SUCLG2: variants seen among roughly 807,000 people sequenced by gnomAD.
The protein encoded by SUCLG2 is succinate--CoA ligase [GDP-forming] subunit beta, mitochondrial.
In SUCLG2, 42 loss-of-function variants were observed where a neutral mutation model predicts 47.9. The ratio of observed to expected loss-of-function variants is 0.88; its 90% confidence interval spans 0.69 to 1.14. The LOEUF (loss-of-function observed/expected upper bound fraction) is 1.14. Among genes scored for constraint, SUCLG2 ranks in the 50% most tolerant of loss-of-function variants. The pLI, the probability that SUCLG2 is intolerant of heterozygous loss-of-function variation, is 0.00. For missense variants in SUCLG2, 571 were observed against 525.9 expected (o/e 1.09, Z -0.84); for synonymous variants, 195 against 197.3 (o/e 0.99, Z 0.10).
At chr3:67,628,483 G>A (rs1172041223) in intron 1 of SUCLG2, among the ~76,000 whole-genome samples, 3 of 152,160 alleles carry the variant, frequency 2.0e-5, no homozygotes, top group African/African-American at 7.2e-5. Flanking sequence ...CGAAGAGAAG[G>A]GTGTCTAGCT....
intron 6 of SUCLG2, among the ~76,000 whole-genome samples, chr3:67,511,853 G>GT (rs1705801103): frequency 2.8e-5 from 4 of 144,890 alleles, no homozygotes; most frequent in South Asian, 2.1e-4. Context: ...GTGTGTGGGG[G>GT]GGTGTGTGTG....
intron 9 of SUCLG2, among the ~76,000 whole-genome samples, chr3:67,432,802 T>G (rs577251699): frequency 7.2e-5 from 11 of 152,242 alleles, no homozygotes; most frequent in Non-Finnish European, 1.5e-4. Context: ...ATTGTATGAC[T>G]CGCTCTCAAG....
intron 9 of SUCLG2, among the ~76,000 whole-genome samples, chr3:67,403,988 T>C (rs1402811195): frequency 6.6e-6 from 1 of 152,146 alleles, no homozygotes; most frequent in Admixed American, 6.5e-5. Flanking sequence ...TGGGTTCAAG[T>C]GGTTCTCATA....
chr3:67,393,574 G>T (rs1359608238), intron 10 of SUCLG2, among the ~76,000 whole-genome samples: 1 of 152,246 alleles, frequency 6.6e-6, no homozygotes, highest in Non-Finnish European at 1.5e-5. Context: ...TGCCTCTGTA[G>T]GCTCCACCTT....
At chr3:67,473,980 AG>A (rs2106993947) in intron 9 of SUCLG2, among the ~76,000 whole-genome samples, 2 of 152,272 alleles carry the variant, frequency 1.3e-5, no homozygotes, top group Non-Finnish European at 2.9e-5. Context: ...CTAACAGGTC[AG>A]GCATGGTGGC....
intron 10 of SUCLG2, among the ~76,000 whole-genome samples, chr3:67,377,294 G>T (rs999318075): frequency 5.3e-5 from 8 of 152,240 alleles, no homozygotes; most frequent in Admixed American, 4.6e-4. Context: ...CTTGAAAAAT[G>T]AGGACAGTAT....
intron 7 of SUCLG2, among the ~76,000 whole-genome samples, chr3:67,507,195 T>C (rs1242282810): frequency 6.6e-6 from 1 of 152,116 alleles, no homozygotes; most frequent in Non-Finnish European, 1.5e-5. Context: ...TTGATAGCCA[T>C]AGCAACTTTA....
chr3:67,520,548 C>T lies in SUCLG2; in HGVS notation c.504G>A (p.Val168=). 1 of 1,614,200 alleles carries T rather than the reference C, an allele frequency of 6.2e-7. No individual in the cohort carries two copies. The highest frequency in any genetic ancestry group is 2.2e-5 in the East Asian group (1 of 44,878). The change falls in exon 5 of 11, where the codon GTG becomes GTA. Residue 168 remains valine, a synonymous_variant. Coordinates refer to ENST00000307227, the MANE Select transcript of SUCLG2 (RefSeq NM_003848.4). ...MDRSCNGPVL[V]GSPQGGVDIE... The stretch of plus-strand genomic sequence containing the variant: ...TGTCGACGCCCCCCTGGGGGCTGCC[C>T]ACCAGCACGGGGCCATTGCAGGACC...
chr3:67,397,121 G>T (rs1179873429), intron 10 of SUCLG2, among the ~76,000 whole-genome samples: 1 of 151,608 alleles, frequency 6.6e-6, no homozygotes, highest in Non-Finnish European at 1.5e-5. Flanking sequence ...ACAAGACAGG[G>T]ATGCCCTCTC....
At chr3:67,456,721 T>C (rs61168063) in intron 9 of SUCLG2, among the ~76,000 whole-genome samples, 4,081 of 152,286 alleles carry the variant, frequency 0.027, 69 homozygotes, top group African/African-American at 0.05. Context: ...GTTTAAAACA[T>C]ATTAGCAAAA....
chr3:67,535,939 A>G (rs545013712), intron 2 of SUCLG2, among the ~76,000 whole-genome samples: 1 of 152,350 alleles, frequency 6.6e-6, no homozygotes, highest in African/African-American at 2.4e-5. Flanking sequence ...ACAAGTCATC[A>G]CACCTGATAG....
intron 1 of SUCLG2, among the ~76,000 whole-genome samples, chr3:67,635,156 A>G (rs1187804353): frequency 6.6e-6 from 1 of 152,234 alleles, no homozygotes; most frequent in African/African-American, 2.4e-5. Context: ...GACCTAGGAC[A>G]TTCAAATACA....
At chr3:67,501,010 C>T (rs555874842) in intron 7 of SUCLG2, among the ~76,000 whole-genome samples, 9 of 152,132 alleles carry the variant, frequency 5.9e-5, no homozygotes, top group African/African-American at 1.7e-4. Context: ...TGTGGTATGA[C>T]GTTCTCTCCA....
At chr3:67,466,231 T>C (rs1704467091) in intron 9 of SUCLG2, among the ~76,000 whole-genome samples, 1 of 152,148 alleles carries the variant, frequency 6.6e-6, no homozygotes, top group East Asian at 1.9e-4. Context: ...CATATGCCTG[T>C]AATCCCTGCT....
chr3:67,529,148 C>T lies in SUCLG2; in HGVS notation c.265G>A (p.Gly89Arg). The change falls in exon 3 of 11, where the codon GGA becomes AGA. Residue 89 changes from glycine (G) to arginine (R), a missense_variant. Transcript: ENST00000307227. ...TTGAAGACACCTTTTCCTCTTCCTC[C>T]AGCTAAGATCTGGGCTTTTAAAACA... ...EIVLKAQILA[G>R]GRGKGVFNSG... 6.2e-7 allele frequency: 1 copy of T among 1,613,466 alleles called. No individual in the cohort carries two copies. The highest frequency in any genetic ancestry group is 1.7e-5 in the Admixed American group (1 of 59,950).
At chr3:67,611,369 A>G (rs1283665728) in intron 1 of SUCLG2, among the ~76,000 whole-genome samples, 1 of 152,222 alleles carries the variant, frequency 6.6e-6, no homozygotes, top group Non-Finnish European at 1.5e-5. Context: ...TTAACTACAC[A>G]TTATTTCTTA....
intron 10 of SUCLG2, among the ~76,000 whole-genome samples, chr3:67,366,890 C>A (rs1016378541): frequency 6.6e-6 from 1 of 152,104 alleles, no homozygotes; most frequent in African/African-American, 2.4e-5. Flanking sequence ...AGCTTCACCC[C>A]CATGAAACAC....
chr3:67,558,948 C>G (rs1707233827), intron 2 of SUCLG2, among the ~76,000 whole-genome samples: 1 of 151,942 alleles, frequency 6.6e-6, no homozygotes, highest in Non-Finnish European at 1.5e-5. Context: ...ATATCAAGAC[C>G]CTATTCAAGA....
chr3:67,611,992 C>T (rs1437512380), intron 1 of SUCLG2, among the ~76,000 whole-genome samples: 1 of 152,202 alleles, frequency 6.6e-6, no homozygotes, highest in Non-Finnish European at 1.5e-5. Context: ...CTATTTTTGT[C>T]AATCCAAAAC....
Sources: allele counts gnomAD v4.1 joint callset (sites outside exome capture counted in the v4.1 genomes callset), GRCh38; gene constraint gnomAD v4.1.1; transcripts MANE v1.5; gene names NCBI Gene and HGNC (gene_info 2026-07-23, HGNC 2026-07-21).